The following LRP1 variants were observed in gnomAD, a reference collection of about 807,000 sequenced individuals.
LRP1 encodes the protein prolow-density lipoprotein receptor-related protein 1.
A neutral mutation model predicts 541.5 loss-of-function variants in LRP1; 51 were observed. That is an observed-to-expected ratio of 0.09 (90% CI 0.08 to 0.12). The LOEUF is 0.12. Ranked by LOEUF, LRP1 falls within the 10% of genes least tolerant of loss-of-function variation. The probability of loss-of-function intolerance (pLI) is 1.00; values close to 1 mark genes in which losing one functional copy is unlikely to be tolerated. For synonymous variants in LRP1, 2,219 were observed against 2,470.8 expected (o/e 0.90, Z 3.02); for missense variants, 3,878 against 6,376.2 (o/e 0.61, Z 13.34).
At chr12:57,208,981 C>T (rs544908870) in intron 78 of LRP1, 102 bp from the exon 79 acceptor site, 125 of 1,093,524 alleles carry the variant, frequency 1.1e-4, no homozygotes, top group Non-Finnish European at 1.6e-4. Context: ...CTGTGAGTGG[C>T]GTATGAACAG....
chr12:57,202,376 T>C, intron 67 of LRP1, 45 bp from the exon 68 acceptor site: 1 of 1,433,136 alleles, frequency 7.0e-7, no homozygotes, highest in Non-Finnish European at 9.8e-7. Context: ...CCCTAATGTC[T>C]GCCCCAGCCC....
intron 55 of LRP1, among the ~76,000 whole-genome samples, chr12:57,196,480 G>A (rs947085646): frequency 2.0e-5 from 3 of 152,248 alleles, no homozygotes; most frequent in Non-Finnish European, 4.4e-5. Context: ...CAGTGTGAGA[G>A]GAAGAGAGGA....
chr12:57,182,559 G>A (rs1396642660), intron 34 of LRP1, among the ~76,000 whole-genome samples: 2 of 150,748 alleles, frequency 1.3e-5, no homozygotes, highest in Middle Eastern at 3.5e-3. Flanking sequence ...GCTCATGCCT[G>A]TGATCCCAGC....
At chr12:57,200,101 C>T in intron 62 of LRP1, 76 bp downstream of exon 62, 2 of 1,309,922 alleles carry the variant, frequency 1.5e-6, no homozygotes, top group Non-Finnish European at 2.1e-6. Context: ...CCAACACCTG[C>T]TCTGTCCTAA....
rs144410704 is a variant in LRP1, at chr12:57,144,968, G to C, written c.449-4G>C. 3.3e-5 allele frequency: 53 copies of C among 1,613,118 alleles called. No individual in the cohort carries two copies. The African/African-American group carries it at 6.5e-4, about 20-fold the overall frequency. On this transcript the variant is annotated splice_polypyrimidine_tract_variant and splice_region_variant and intron_variant, in intron 4 of 88. Coordinates refer to ENST00000243077, the MANE Select transcript of LRP1 (RefSeq NM_002332.3). ...TGACCACATTCTTGCCCTTTCCTCG[G>C]CAGATTTTGATGAGTGCTCAGTGTA... is the stretch of plus-strand genomic sequence containing the variant.
Position 57,184,391 on chromosome 12 carries a change from A to G in LRP1, c.6125A>G (p.Glu2042Gly). ...RIERSRLDGTERVVLVNVSIS... is the reference protein window; with the variant it reads ...RIERSRLDGTGRVVLVNVSIS... ...GAGCGGTCTCGGCTAGATGGCACGG[A>G]GCGTGTGGTGCTGGTCAACGTCAGC... Residue 2042 changes from glutamate (E) to glycine (G), a missense_variant, in exon 38 of 89, where the codon GAG becomes GGG. Transcript: ENST00000243077. The surrounding 1 kb of genome is among the most constrained non-coding windows in gnomAD (Gnocchi z 7.8). 1.2e-6 allele frequency: 2 copies of G among 1,614,144 alleles called. No homozygotes were observed. Among genetic ancestry groups the G allele is most frequent in the Non-Finnish European group, 1.7e-6 (2 of 1,180,036 alleles).
chr12:57,163,424 C>T (rs1420984615), intron 15 of LRP1, among the ~76,000 whole-genome samples: 2 of 151,824 alleles, frequency 1.3e-5, no homozygotes, highest in African/African-American at 4.8e-5. Context: ...ACTAAAAATA[C>T]AAAAATTAGC....
At position 57,154,175 on chromosome 12, in the gene LRP1, C is replaced by A; in HGVS notation, c.842-33C>A. 1 of 1,594,614 alleles carries A rather than the reference C, an allele frequency of 6.3e-7. No individual in the cohort carries two copies. Among genetic ancestry groups the A allele is most frequent in the Non-Finnish European group, 8.6e-7 (1 of 1,165,590 alleles). On this transcript the variant is annotated intron_variant, in intron 6 of 88. Coordinates refer to ENST00000243077, the MANE Select transcript of LRP1 (RefSeq NM_002332.3). This position sits in a 1 kb window ranked among gnomAD's most constrained non-coding sequence, Gnocchi z 4.6. ...GGGCATCTCTGCAAGAGGGCCTACCCCACCCCATGGCTCTTTCATTCGTAC... is the reference window on the plus strand; with the variant it reads ...GGGCATCTCTGCAAGAGGGCCTACCACACCCCATGGCTCTTTCATTCGTAC...
Position 57,158,340 on chromosome 12 carries a change from C to T in LRP1, c.1562-62C>T. 5 of 1,392,278 alleles carry T rather than the reference C, an allele frequency of 3.6e-6. No homozygotes were observed. The highest frequency in any genetic ancestry group is 5.0e-6 in the Non-Finnish European group (5 of 1,003,260). The allele number at this position is 1,392,278 out of a possible 1,614,324, so 86.2% of individuals were successfully genotyped here. ...GGCATTGCAGCCCCTTGGCCGCAGCCCCTGGGTGGGGATGATGGTCATGTG... is the reference window on the plus strand; with the variant it reads ...GGCATTGCAGCCCCTTGGCCGCAGCTCCTGGGTGGGGATGATGGTCATGTG... On this transcript the variant is annotated intron_variant, in intron 10 of 88. Coordinates refer to ENST00000243077, the MANE Select transcript of LRP1 (RefSeq NM_002332.3). This position sits in a 1 kb window ranked among gnomAD's most constrained non-coding sequence, Gnocchi z 5.3.
intron 6 of LRP1, among the ~76,000 whole-genome samples, chr12:57,153,661 A>G (rs1340163106): frequency 1.3e-5 from 2 of 152,148 alleles, no homozygotes. Context: ...TTTTGCCCCC[A>G]TGGATCTTCC....
In LRP1 at chr12:57,212,290, G is replaced by A; in HGVS notation, c.13494+29G>A. The A allele has an allele frequency of 1.2e-6, 2 of 1,612,498 alleles. No homozygotes were observed. Among genetic ancestry groups the A allele is most frequent in the Non-Finnish European group, 1.7e-6 (2 of 1,179,116 alleles). ...GGCTGGGAGGCGGGCAGGGTCGAGTGCCAAGAGGCCGTGGGTGGCCTAACC... is the reference window on the plus strand; with the variant it reads ...GGCTGGGAGGCGGGCAGGGTCGAGTACCAAGAGGCCGTGGGTGGCCTAACC... On this transcript the variant is annotated intron_variant, in intron 88 of 88. Coordinates refer to ENST00000243077, the MANE Select transcript of LRP1 (RefSeq NM_002332.3). This position sits in a 1 kb window ranked among gnomAD's most constrained non-coding sequence, Gnocchi z 5.0.
At chr12:57,187,032 A>G (rs2036283136) in intron 41 of LRP1, among the ~76,000 whole-genome samples, 1 of 152,218 alleles carries the variant, frequency 6.6e-6, no homozygotes, top group African/African-American at 2.4e-5. Context: ...GATTGCCCTC[A>G]GTGGGAGAGG....
At chr12:57,195,604 C>T (rs1385723022) in intron 52 of LRP1, 54 bp from the exon 53 acceptor site, 17 of 1,612,364 alleles carry the variant, frequency 1.1e-5, no homozygotes, top group African/African-American at 1.3e-5. Flanking sequence ...GAGTGAGGGA[C>T]GGTCGGCCGC....
At chr12:57,196,634 G>A (rs1024167515) in intron 55 of LRP1, among the ~76,000 whole-genome samples, 1 of 152,126 alleles carries the variant, frequency 6.6e-6, no homozygotes, top group African/African-American at 2.4e-5. Flanking sequence ...AGCAGTGTAG[G>A]TGGAGAAGAG....
chr12:57,153,867 T>C (rs1387254847), intron 6 of LRP1, among the ~76,000 whole-genome samples: 1 of 151,828 alleles, frequency 6.6e-6, no homozygotes, highest in Admixed American at 6.6e-5. Context: ...AGATGTGTAA[T>C]GTTTTGGTAG....
chr12:57,167,463 C>A lies in LRP1; in HGVS notation c.2934C>A (p.Pro978=), dbSNP rs149857225. 5 of 1,614,112 alleles carry A rather than the reference C, an allele frequency of 3.1e-6. No individual in the cohort carries two copies. Among genetic ancestry groups the A allele is most frequent in the Non-Finnish European group, 4.2e-6 (5 of 1,179,966 alleles). ...SASCAYPTCF[P]LTQFTCNNGR... Reference sequence around the variant, plus strand: ...TCACAGCCTATCCCACCTGCTTCCCCCTGACTCAGTTTACCTGCAACAATG... The same window carrying A: ...TCACAGCCTATCCCACCTGCTTCCCACTGACTCAGTTTACCTGCAACAATG... Residue 978 remains proline (P), a synonymous_variant, in exon 19 of 89, where the codon CCC becomes CCA. Transcript: ENST00000243077.
chr12:57,208,187 C>T lies in LRP1; in HGVS notation c.12009C>T (p.Pro4003=), dbSNP rs141660911. Residue 4003 remains proline (P), a synonymous_variant, in exon 77 of 89, where the codon CCC becomes CCT. Transcript: ENST00000243077. Reference sequence around the variant, plus strand: ...TCATCTCGGGCATGATTGACGAGCCCCACGCCATTGTGGTGGACCCACTGA... The same window carrying T: ...TCATCTCGGGCATGATTGACGAGCCTCACGCCATTGTGGTGGACCCACTGA... ...KTLISGMIDE[P]HAIVVDPLRG... is the part of the protein sequence containing the mutation. 5.6e-6 allele frequency: 9 copies of T among 1,613,912 alleles called. No individual in the cohort carries two copies. Among genetic ancestry groups the T allele is most frequent in the Non-Finnish European group, 6.8e-6 (8 of 1,179,932 alleles).
At chr12:57,202,571 C>T (rs761100723) in intron 68 of LRP1, 34 bp downstream of exon 68, 3 of 1,478,154 alleles carry the variant, frequency 2.0e-6, no homozygotes, top group Non-Finnish European at 2.8e-6. Context: ...CGCATGAGCC[C>T]CTCCCAGGCC....
At chr12:57,150,564 A>T (rs973093504) in intron 6 of LRP1, among the ~76,000 whole-genome samples, 1 of 152,120 alleles carries the variant, frequency 6.6e-6, no homozygotes, top group Non-Finnish European at 1.5e-5. Flanking sequence ...AGTAGGTGTT[A>T]GCCCCAAATG....
Sources: allele counts gnomAD v4.1 joint callset (sites outside exome capture counted in the v4.1 genomes callset), GRCh38; gene constraint gnomAD v4.1.1; non-coding constraint Gnocchi (gnomAD v3.1); transcripts MANE v1.5; gene names NCBI Gene and HGNC (gene_info 2026-07-23, HGNC 2026-07-21).